Variants in PLEKHA5 observed in about 807,000 individuals in gnomAD.
The protein encoded by PLEKHA5 is pleckstrin homology domain-containing family A member 5.
PLEKHA5 carries 55 observed loss-of-function variants against 181.9 expected under a neutral mutation model. That is an observed-to-expected ratio of 0.30 (90% CI 0.24 to 0.38). The LOEUF is 0.38. Among genes scored for constraint, PLEKHA5 ranks in the 10% least tolerant of loss-of-function variants. The pLI is 1.00. For synonymous variants in PLEKHA5, 535 were observed against 529.4 expected (o/e 1.01, Z -0.15); for missense variants, 1,432 against 1,549.5 (o/e 0.92, Z 1.27).
intron 25 of PLEKHA5, among the ~76,000 whole-genome samples, chr12:19,350,431 T>C (rs1348292711): frequency 2.6e-5 from 4 of 152,188 alleles, no homozygotes; most frequent in African/African-American, 9.6e-5. Flanking sequence ...ACTGGACTGA[T>C]TTTTGTAATC....
intron 3 of PLEKHA5, among the ~76,000 whole-genome samples, chr12:19,169,470 A>G (rs2045397336): frequency 6.6e-6 from 1 of 152,148 alleles, no homozygotes; most frequent in Non-Finnish European, 1.5e-5. Flanking sequence ...CTTGTTTCTA[A>G]TATTGCCTCC....
intron 3 of PLEKHA5, among the ~76,000 whole-genome samples, chr12:19,155,058 A>T (rs2041354073): frequency 6.6e-6 from 1 of 152,152 alleles, no homozygotes; most frequent in African/African-American, 2.4e-5. Flanking sequence ...CGTAGGAAGG[A>T]ATACTACAGG....
At chr12:19,275,013 A>C in intron 11 of PLEKHA5, 30 bp downstream of exon 11, 1 of 1,472,058 alleles carries the variant, frequency 6.8e-7, no homozygotes. Flanking sequence ...TTATGAACCC[A>C]GGTTTCTTTG....
intron 29 of PLEKHA5, among the ~76,000 whole-genome samples, chr12:19,362,833 A>G (rs1252159693): frequency 6.6e-6 from 1 of 152,058 alleles, no homozygotes; most frequent in African/African-American, 2.4e-5. Flanking sequence ...TAGCAGAGTA[A>G]GCAATTCATC....
intron 27 of PLEKHA5, among the ~76,000 whole-genome samples, 192 bp from the exon 28 acceptor site, chr12:19,359,220 T>C (rs2095102559): frequency 6.6e-6 from 1 of 152,206 alleles, no homozygotes. Context: ...TGAATGGTTT[T>C]TTTTAAAAGA....
At chr12:19,352,994 C>T (rs2094692272) in intron 25 of PLEKHA5, among the ~76,000 whole-genome samples, 2 of 146,064 alleles carry the variant, frequency 1.4e-5, no homozygotes, top group Admixed American at 6.9e-5. Flanking sequence ...CACTATATTA[C>T]CCAGGCTGGT....
At chr12:19,338,554 G>A (rs542663271) in intron 21 of PLEKHA5, among the ~76,000 whole-genome samples, 39 of 151,718 alleles carry the variant, frequency 2.6e-4, no homozygotes, top group Non-Finnish European at 5.3e-4. Flanking sequence ...TTGCAGTGGA[G>A]TGGAGATCAC....
intron 3 of PLEKHA5, among the ~76,000 whole-genome samples, chr12:19,184,201 TTTAAATTTTCATTCTATTCCCTGAC>T (rs1410340528): frequency 6.6e-6 from 1 of 152,178 alleles, no homozygotes; most frequent in African/African-American, 2.4e-5. Flanking sequence ...AGTAGTGATT[TTTAAATTTTCATTCTATTCCCTGAC>T]TTTTTGCTGT....
At chr12:19,323,939 T>A (rs540837316) in intron 20 of PLEKHA5, among the ~76,000 whole-genome samples, 1 of 152,180 alleles carries the variant, frequency 6.6e-6, no homozygotes, top group South Asian at 2.1e-4. Flanking sequence ...GCTTATAAAC[T>A]GTTTTATGAG....
chr12:19,359,315 C>A, intron 27 of PLEKHA5, 97 bp from the exon 28 acceptor site: 1 of 1,055,338 alleles, frequency 9.5e-7, no homozygotes, highest in Non-Finnish European at 1.4e-6. Context: ...GAGTGGAGAT[C>A]CAGCTTTGTT....
At chr12:19,258,362 A>G (rs1303022227) in intron 6 of PLEKHA5, among the ~76,000 whole-genome samples, 1 of 152,098 alleles carries the variant, frequency 6.6e-6, no homozygotes, top group Admixed American at 6.6e-5. Flanking sequence ...CAGATGATAC[A>G]AAGCAAGTTA....
chr12:19,306,542 G>A, intron 15 of PLEKHA5: 1 of 750,432 alleles, frequency 1.3e-6, no homozygotes, highest in Middle Eastern at 2.4e-4. Flanking sequence ...CGCGAGCAGC[G>A]CCGTGAGCAA....
chr12:19,354,070 C>A (rs2094762668), intron 26 of PLEKHA5, 68 bp downstream of exon 26: 4 of 486,828 alleles, frequency 8.2e-6, no homozygotes, highest in Non-Finnish European at 1.1e-5. Context: ...TACATGTTTT[C>A]ATTTTCAGTG....
intron 3 of PLEKHA5, among the ~76,000 whole-genome samples, chr12:19,148,422 C>T (rs1337033435): frequency 2.0e-5 from 3 of 152,228 alleles, no homozygotes; most frequent in Non-Finnish European, 2.9e-5. Context: ...TGCTCAGGCA[C>T]GTACTGCTGG....
chr12:19,353,587 G>A lies in PLEKHA5; in HGVS notation c.3020-297G>A, dbSNP rs532115278. Among the ~76,000 whole-genome samples the A allele has an allele frequency of 2.0e-5, 3 of 152,230 alleles. No homozygotes were observed. The East Asian group carries it at 5.8e-4, about 29-fold the overall frequency. On this transcript the variant is annotated intron_variant, in intron 25 of 31. Coordinates refer to ENST00000429027, the MANE Select transcript of PLEKHA5 (RefSeq NM_001256470.2). Reference sequence around the variant, plus strand: ...TGATTCTCCTGCCTCAGCCTCCCGAGTAGTTGGGATTACAGGCATGCGCCA... The same window carrying A: ...TGATTCTCCTGCCTCAGCCTCCCGAATAGTTGGGATTACAGGCATGCGCCA...
intron 15 of PLEKHA5, among the ~76,000 whole-genome samples, chr12:19,313,082 C>T (rs1395224918): frequency 1.3e-5 from 2 of 152,060 alleles, no homozygotes; most frequent in Admixed American, 6.6e-5. Flanking sequence ...CAACCTTTAT[C>T]GATTTCATCA....
intron 3 of PLEKHA5, among the ~76,000 whole-genome samples, chr12:19,220,204 C>CTT (rs200680595): frequency 8.9e-6 from 1 of 112,812 alleles, no homozygotes. Flanking sequence ...TTTCTCTTTT[C>CTT]TTTTTTTTTT....
chr12:19,184,953 G>T (rs1429543832), intron 3 of PLEKHA5, among the ~76,000 whole-genome samples: 1 of 152,190 alleles, frequency 6.6e-6, no homozygotes. Flanking sequence ...TATATAGTCG[G>T]TGGAGGCAAA....
intron 28 of PLEKHA5, among the ~76,000 whole-genome samples, chr12:19,360,046 A>C (rs2095148137): frequency 6.6e-6 from 1 of 150,972 alleles, no homozygotes; most frequent in Non-Finnish European, 1.5e-5. Context: ...GATATGCATT[A>C]ATTGACTGGG....
Sources: allele counts gnomAD v4.1 joint callset (sites outside exome capture counted in the v4.1 genomes callset), GRCh38; gene constraint gnomAD v4.1.1; transcripts MANE v1.5; gene names NCBI Gene and HGNC (gene_info 2026-07-23, HGNC 2026-07-21).